ATP8A1: variants seen among roughly 807,000 people sequenced by gnomAD.
ATP8A1 encodes ATPase phospholipid transporting 8A1.
A neutral mutation model predicts 177.7 loss-of-function variants in ATP8A1; 90 were observed. That is an observed-to-expected ratio of 0.51 (90% CI 0.43 to 0.60). The LOEUF (loss-of-function observed/expected upper bound fraction) is 0.60. ATP8A1 is among the 20% of genes least tolerant of loss of function. ATP8A1 has a pLI of 0.00. For synonymous variants in ATP8A1, 493 were observed against 485.9 expected (o/e 1.01, Z -0.19); for missense variants, 1,072 against 1,392.8 (o/e 0.77, Z 3.67).
chr4:42,478,424 A>C (rs1209744154), intron 25 of ATP8A1, among the ~76,000 whole-genome samples: 1 of 152,192 alleles, frequency 6.6e-6, no homozygotes, highest in Non-Finnish European at 1.5e-5. Context: ...TCAATTCAAT[A>C]CACATATGAT....
intron 20 of ATP8A1, among the ~76,000 whole-genome samples, chr4:42,532,041 G>T (rs1727313803): frequency 6.6e-6 from 1 of 152,068 alleles, no homozygotes; most frequent in Non-Finnish European, 1.5e-5. Flanking sequence ...AGTCAAGGCT[G>T]CAGTGAGCCA....
intron 27 of ATP8A1, among the ~76,000 whole-genome samples, chr4:42,463,331 A>G (rs1719371938): frequency 6.6e-6 from 1 of 152,156 alleles, no homozygotes; most frequent in Admixed American, 6.5e-5. Flanking sequence ...GTGATAGTGA[A>G]TAACCATCTT....
chr4:42,563,679 T>C (rs1265337994), intron 15 of ATP8A1, among the ~76,000 whole-genome samples: 1 of 152,182 alleles, frequency 6.6e-6, no homozygotes, highest in African/African-American at 2.4e-5. Flanking sequence ...GTCTAGGACT[T>C]GGTGCCCTGT....
In ATP8A1 at chr4:42,648,653, AAAAGG is replaced by A. The variant is rs371680983; in HGVS notation, c.49+8167_49+8171del. ...TATGACATTAAAGCAGAAATTTAAA[AAAAGG>A]AAAGATTATACTTCATAAAAATTAA... On this transcript the variant is annotated intron_variant, in intron 1 of 36. Transcript: ENST00000381668. Among the ~76,000 whole-genome samples, 16 of 152,282 alleles carry A rather than the reference AAAAGG, an allele frequency of 1.1e-4. No individual in the cohort carries two copies. In the East Asian group the frequency reaches 2.9e-3, roughly 27 times the overall value.
chr4:42,425,793 C>A (rs932230322), intron 33 of ATP8A1, among the ~76,000 whole-genome samples: 2 of 152,180 alleles, frequency 1.3e-5, no homozygotes, highest in Non-Finnish European at 2.9e-5. Flanking sequence ...TTGCAAATTT[C>A]TCCTAATGTG....
chr4:42,482,503 G>T (rs767104859), intron 25 of ATP8A1, among the ~76,000 whole-genome samples: 2 of 152,082 alleles, frequency 1.3e-5, no homozygotes, highest in Non-Finnish European at 2.9e-5. Flanking sequence ...AATTTGGGGT[G>T]GGGGGATTAG....
intron 1 of ATP8A1, among the ~76,000 whole-genome samples, chr4:42,636,156 A>ACGCGCGCGCGTGCGCG (rs1553920759): frequency 1.1e-5 from 1 of 90,898 alleles, no homozygotes; most frequent in African/African-American, 3.3e-5. Context: ...ACACACACAC[A>ACGCGCGCGCGTGCGCG]CGCACACACA....
chr4:42,617,031 G>A (rs953240141), intron 4 of ATP8A1, among the ~76,000 whole-genome samples: 1 of 152,188 alleles, frequency 6.6e-6, no homozygotes, highest in Non-Finnish European at 1.5e-5. Context: ...ATATAGTTGT[G>A]CGTACCTGAC....
chr4:42,580,079 C>A, intron 10 of ATP8A1, 101 bp from the exon 11 acceptor site: 1 of 908,670 alleles, frequency 1.1e-6, no homozygotes, highest in Admixed American at 3.2e-5. Flanking sequence ...AACTCAGTAT[C>A]TAGATGTGGG....
At chr4:42,533,478 C>T (rs1465657306) in intron 20 of ATP8A1, among the ~76,000 whole-genome samples, 2 of 152,086 alleles carry the variant, frequency 1.3e-5, no homozygotes, top group Admixed American at 6.6e-5. Context: ...CACCCCCATC[C>T]CCACAGCAGC....
chr4:42,495,142 A>C (rs1001165845), intron 24 of ATP8A1, among the ~76,000 whole-genome samples: 3 of 152,176 alleles, frequency 2.0e-5, no homozygotes, highest in Non-Finnish European at 4.4e-5. Flanking sequence ...GGTATTTACA[A>C]ATTTATGGTC....
intron 1 of ATP8A1, among the ~76,000 whole-genome samples, chr4:42,633,659 A>G (rs1343553007): frequency 2.0e-5 from 3 of 152,232 alleles, no homozygotes; most frequent in Admixed American, 2.0e-4. Context: ...AATAGAACTA[A>G]TAACAGTATC....
At chr4:42,481,114 C>T (rs1197578297) in intron 25 of ATP8A1, among the ~76,000 whole-genome samples, 1 of 152,224 alleles carries the variant, frequency 6.6e-6, no homozygotes, top group Non-Finnish European at 1.5e-5. Flanking sequence ...AGTAATACTT[C>T]ACTGCAACAT....
At chr4:42,571,602 T>C (rs890847966) in intron 14 of ATP8A1, among the ~76,000 whole-genome samples, 1 of 152,154 alleles carries the variant, frequency 6.6e-6, no homozygotes, top group Non-Finnish European at 1.5e-5. Context: ...AACTGACTTA[T>C]TCCCTACAAG....
intron 33 of ATP8A1, among the ~76,000 whole-genome samples, chr4:42,424,354 A>G (rs920350308): frequency 1.3e-5 from 2 of 152,086 alleles, no homozygotes; most frequent in Non-Finnish European, 2.9e-5. Context: ...TCTTTGTAAT[A>G]TAATTAGATT....
chr4:42,588,270 T>G lies in ATP8A1; in HGVS notation c.584A>C (p.Lys195Thr). 6.2e-7 allele frequency: 1 copy of G among 1,612,802 alleles called. No homozygotes were observed. Among genetic ancestry groups the G allele is most frequent in the African/African-American group, 1.3e-5 (1 of 75,032 alleles). ...TGTATCAGATCTTACCTGTCTAATT[T>G]TCAAGTTTGTTTCACCATCTAAGTT... Reference protein sequence around the residue: ...TSNLDGETNLKIRQGLPATSD... With the variant: ...TSNLDGETNLTIRQGLPATSD... Residue 195 changes from lysine (K) to threonine (T), a missense_variant, in exon 8 of 37, where the codon AAA (lysine) becomes ACA (threonine). Coordinates refer to ENST00000381668, the MANE Select transcript of ATP8A1 (RefSeq NM_006095.2).
intron 1 of ATP8A1, among the ~76,000 whole-genome samples, chr4:42,631,287 G>T (rs1159491855): frequency 6.6e-6 from 1 of 152,184 alleles, no homozygotes; most frequent in Non-Finnish European, 1.5e-5. Flanking sequence ...TAATATACTA[G>T]AAACAGATCT....
chr4:42,575,850 T>C, intron 12 of ATP8A1, 151 bp from the exon 13 acceptor site: 1 of 644,026 alleles, frequency 1.6e-6, no homozygotes, highest in Non-Finnish European at 2.7e-6. Flanking sequence ...TCCTATACCA[T>C]TTAATTCGAT....
intron 20 of ATP8A1, among the ~76,000 whole-genome samples, chr4:42,535,982 T>C (rs780847722): frequency 2.6e-5 from 4 of 152,174 alleles, no homozygotes; most frequent in Admixed American, 2.0e-4. Flanking sequence ...GGAAAGTTCA[T>C]AGCATTAAAT....
Sources: allele counts gnomAD v4.1 joint callset (sites outside exome capture counted in the v4.1 genomes callset), GRCh38; gene constraint gnomAD v4.1.1; transcripts MANE v1.5; gene names NCBI Gene and HGNC (gene_info 2026-07-23, HGNC 2026-07-21).